MGAT4C: variants seen among roughly 807,000 people sequenced by gnomAD.
MGAT4C encodes MGAT4 family member C, also known as alpha-1,3-mannosyl-glycoprotein 4-beta-N-acetylglucosaminyltransferase C.
MGAT4C carries 19 observed loss-of-function variants against 40.1 expected under a neutral mutation model. The observed-to-expected ratio is 0.47, with a 90% CI of 0.33 to 0.70. MGAT4C has a LOEUF of 0.70. Among genes scored for constraint, MGAT4C ranks in the 30% least tolerant of loss-of-function variants. The probability of loss-of-function intolerance (pLI) is 0.02; values close to 1 mark genes in which losing one functional copy is unlikely to be tolerated. For synonymous variants in MGAT4C, 181 were observed against 187.1 expected, an observed-to-expected ratio of 0.97 and a Z score of 0.27; for missense variants, 491 against 563.2, an observed-to-expected ratio of 0.87 and a Z score of 1.30.
intron 3 of MGAT4C, among the ~76,000 whole-genome samples, chr12:86,415,035 C>G (rs560554257): frequency 1.3e-5 from 2 of 152,150 alleles, no homozygotes; most frequent in African/African-American, 4.8e-5. Flanking sequence ...ACAAACCTCT[C>G]CTTTTTAAAC....
intron 1 of MGAT4C, among the ~76,000 whole-genome samples, chr12:86,804,171 A>G (rs1224164702): frequency 1.3e-5 from 2 of 151,170 alleles, no homozygotes; most frequent in African/African-American, 2.4e-5. Context: ...CAAGAACAAA[A>G]AACCAAACAC....
chr12:86,694,783 T>A (rs1004455271), intron 2 of MGAT4C, among the ~76,000 whole-genome samples: 160 of 152,322 alleles, frequency 1.1e-3, no homozygotes, highest in African/African-American at 3.7e-3. Flanking sequence ...GATTAAAGAC[T>A]GAAATCTAAG....
chr12:86,494,190 C>T lies in MGAT4C; in HGVS notation c.-228-58925G>A, dbSNP rs113839378. Among the ~76,000 whole-genome samples, 503 of 151,896 alleles carry T rather than the reference C, an allele frequency of 3.3e-3. 2 individuals carry two copies. The highest frequency in any genetic ancestry group is 0.012 in the African/African-American group (486 of 41,468). The stretch of plus-strand genomic sequence containing the variant: ...ATTCTTTCAGAAAGCTTGCAATTTT[C>T]CATTCTTGAATATGTCTTTGAAAGA... On this transcript the variant is annotated intron_variant, in intron 2 of 7. Transcript: ENST00000548651.
chr12:86,699,194 A>G (rs1370462440), intron 2 of MGAT4C, among the ~76,000 whole-genome samples: 1 of 152,190 alleles, frequency 6.6e-6, no homozygotes, highest in Non-Finnish European at 1.5e-5. Flanking sequence ...CACTTAATGT[A>G]TACTTCTAAA....
chr12:86,540,573 T>C (rs1429933282), intron 2 of MGAT4C, among the ~76,000 whole-genome samples: 1 of 152,044 alleles, frequency 6.6e-6, no homozygotes, highest in Non-Finnish European at 1.5e-5. Context: ...CTGTCTCTAC[T>C]AAAAATACAA....
chr12:86,700,066 AAGAT>A (rs1555220817), intron 2 of MGAT4C, among the ~76,000 whole-genome samples: 12 of 11,440 alleles, frequency 1.0e-3, no homozygotes, highest in Non-Finnish European at 1.9e-3. Context: ...ATAGATAGAT[AAGAT>A]AGATAGATAA....
rs182675658 is a variant in MGAT4C, at chr12:86,399,303, G to T, written c.-120+35854C>A. On this transcript the variant is annotated intron_variant, in intron 3 of 7. Transcript: ENST00000548651. ...ATTACATATTTCTTTTCTTTTTTTT[G>T]AGACAGTCTTGCTCTATCACCCAGG... 5.8e-3 allele frequency among the ~76,000 whole-genome samples: 868 copies of T among 149,418 alleles called. 6 individuals carry two copies. The highest frequency in any genetic ancestry group is 1.0e-2 in the Non-Finnish European group (673 of 67,536).
intron 4 of MGAT4C, among the ~76,000 whole-genome samples, chr12:86,277,789 T>C (rs1953113208): frequency 6.6e-6 from 1 of 152,186 alleles, no homozygotes; most frequent in South Asian, 2.1e-4. Context: ...GCTGTTTTGG[T>C]TACTATAGTT....
At chr12:86,837,403 T>A (rs939927470) in intron 1 of MGAT4C, among the ~76,000 whole-genome samples, 1 of 152,146 alleles carries the variant, frequency 6.6e-6, no homozygotes, top group South Asian at 2.1e-4. Flanking sequence ...CCCTCTTTCC[T>A]TTGTTCTAAT....
At chr12:86,173,265 G>A (rs950171026) in intron 1 of MGAT4C, among the ~76,000 whole-genome samples, 1 of 151,918 alleles carries the variant, frequency 6.6e-6, no homozygotes, top group Non-Finnish European at 1.5e-5. Context: ...TTCATATTGG[G>A]CAACTATATT....
At chr12:86,108,983 A>T (rs1356803741) in intron 1 of MGAT4C, among the ~76,000 whole-genome samples, 2 of 152,042 alleles carry the variant, frequency 1.3e-5, no homozygotes, top group Non-Finnish European at 2.9e-5. Context: ...ATAAATTATT[A>T]TTTTTTTAAA....
chr12:86,753,864 G>A (rs1951261124), intron 1 of MGAT4C, among the ~76,000 whole-genome samples: 1 of 152,026 alleles, frequency 6.6e-6, no homozygotes, highest in South Asian at 2.1e-4. Flanking sequence ...CATACTAAGT[G>A]TTGAAAAGAA....
At chr12:86,756,547 G>C (rs1281840116) in intron 1 of MGAT4C, among the ~76,000 whole-genome samples, 1 of 151,890 alleles carries the variant, frequency 6.6e-6, no homozygotes, top group Non-Finnish European at 1.5e-5. Flanking sequence ...TGTCTCATTT[G>C]ATTTTAACGG....
intron 1 of MGAT4C, among the ~76,000 whole-genome samples, chr12:86,807,699 G>A (rs1469046398): frequency 2.6e-5 from 4 of 152,002 alleles, no homozygotes; most frequent in African/African-American, 4.8e-5. Flanking sequence ...GGGAATCCCC[G>A]CACTGTCGTC....
chr12:86,666,879 AG>A (rs140592378), intron 2 of MGAT4C, among the ~76,000 whole-genome samples: 17,908 of 152,160 alleles, frequency 0.12, 1,719 homozygotes, highest in African/African-American at 0.27. Flanking sequence ...CATACCATAA[AG>A]ATGAAAACAT....
At chr12:86,419,666 T>C (rs1351929628) in intron 3 of MGAT4C, among the ~76,000 whole-genome samples, 3 of 152,172 alleles carry the variant, frequency 2.0e-5, no homozygotes, top group Non-Finnish European at 2.9e-5. Context: ...ATTTTGGTAC[T>C]CAAGTGGAGA....
intron 2 of MGAT4C, chr12:86,601,293 G>A (rs1048808565): frequency 6.6e-6 from 1 of 152,238 alleles, no homozygotes. Flanking sequence ...CCACAACCGG[G>A]AGTGAGAATT....
At chr12:86,138,020 C>T (rs1882220579) in intron 1 of MGAT4C, among the ~76,000 whole-genome samples, 1 of 152,168 alleles carries the variant, frequency 6.6e-6, no homozygotes, top group Non-Finnish European at 1.5e-5. Flanking sequence ...TCTTCCTCTT[C>T]CCTACTCCCT....
intron 4 of MGAT4C, among the ~76,000 whole-genome samples, chr12:86,300,921 G>A (rs188662540): frequency 7.9e-4 from 120 of 152,202 alleles, no homozygotes; most frequent in African/African-American, 2.7e-3. Flanking sequence ...GGATATCTAA[G>A]AACAAGTAAA....
Sources: allele counts gnomAD v4.1 joint callset (sites outside exome capture counted in the v4.1 genomes callset), GRCh38; gene constraint gnomAD v4.1.1; transcripts MANE v1.5; gene names NCBI Gene and HGNC (gene_info 2026-07-23, HGNC 2026-07-21).